BMERB1: variants seen among roughly 807,000 people sequenced by gnomAD.
BMERB1 encodes the protein bMERB domain-containing protein 1.
In BMERB1, 12 loss-of-function variants were observed where a neutral mutation model predicts 23.6. The observed-to-expected ratio is 0.51, with a 90% confidence interval of 0.33 to 0.82. The LOEUF (loss-of-function observed/expected upper bound fraction) is 0.82, where lower values mean the gene tolerates loss of function less well. BMERB1 is among the 40% of genes least tolerant of loss of function. The probability of loss-of-function intolerance (pLI) is 0.03; values close to 1 mark genes in which losing one functional copy is unlikely to be tolerated. For synonymous variants in BMERB1, 122 were observed against 96.6 expected, an observed-to-expected ratio of 1.26 and a Z score of -1.54; for missense variants, 247 against 255.4, an observed-to-expected ratio of 0.97 and a Z score of 0.22.
At chr16:15,584,186 A>C (rs2031084457) in intron 5 of BMERB1, 2 of 596,758 alleles carry the variant, frequency 3.4e-6, no homozygotes, top group East Asian at 5.7e-5. Flanking sequence ...TGCTGTCAAG[A>C]AACTGTCTTT....
At position 15,464,312 on chromosome 16, in the gene BMERB1, T is replaced by TA. The variant is rs528828210; in HGVS notation, c.106+29573dup. Among the ~76,000 whole-genome samples the TA allele has an allele frequency of 9.3e-3, 964 of 103,966 alleles. 9 individuals carry two copies. Among genetic ancestry groups the TA allele is most frequent in the African/African-American group, 0.028 (759 of 27,502 alleles). The allele number at this position is 103,966 out of a possible 152,430, so 68.2% of individuals were successfully genotyped here. On this transcript the variant is annotated intron_variant, in intron 1 of 5. Coordinates refer to ENST00000300006, the MANE Select transcript of BMERB1 (RefSeq NM_033201.3). Reference sequence around the variant, plus strand: ...TGGGCGACAGAGTGAGACTTCATCTTAAAAAAAAAAAAAAAAAAAAGGATT... The same window carrying TA: ...TGGGCGACAGAGTGAGACTTCATCTTAAAAAAAAAAAAAAAAAAAAAGGATT...
intron 1 of BMERB1, among the ~76,000 whole-genome samples, chr16:15,446,070 T>C (rs912137191): frequency 6.6e-6 from 1 of 152,048 alleles, no homozygotes; most frequent in African/African-American, 2.4e-5. Context: ...AGACAGAAAG[T>C]AAGCGAGACT....
intron 1 of BMERB1, among the ~76,000 whole-genome samples, chr16:15,476,197 C>T (rs2051273687): frequency 7.6e-6 from 1 of 130,756 alleles, no homozygotes; most frequent in Non-Finnish European, 1.6e-5. Context: ...GAGTCTCACT[C>T]TGTTGCCCAA....
At chr16:15,462,261 C>A (rs2051142643) in intron 1 of BMERB1, among the ~76,000 whole-genome samples, 1 of 148,886 alleles carries the variant, frequency 6.7e-6, no homozygotes, top group Non-Finnish European at 1.5e-5. Flanking sequence ...ACTAGATTCT[C>A]CAGCCTCAGC....
At chr16:15,566,880 C>CT (rs915863665) in intron 2 of BMERB1, among the ~76,000 whole-genome samples, 100 of 150,938 alleles carry the variant, frequency 6.6e-4, no homozygotes, top group Non-Finnish European at 1.2e-3. Flanking sequence ...TAAGCATACG[C>CT]TTTTTTTTTA....
intron 1 of BMERB1, among the ~76,000 whole-genome samples, chr16:15,480,506 C>A (rs556988664): frequency 6.6e-6 from 1 of 151,928 alleles, no homozygotes. Flanking sequence ...GTAATATAAC[C>A]TCTTGCCATT....
chr16:15,446,835 T>G (rs2050994138), intron 1 of BMERB1, among the ~76,000 whole-genome samples: 1 of 152,230 alleles, frequency 6.6e-6, no homozygotes, highest in African/African-American at 2.4e-5. Flanking sequence ...CACTTCAAAG[T>G]GCCTTCAGTG....
chr16:15,473,196 G>T (rs1369964449), intron 1 of BMERB1, among the ~76,000 whole-genome samples: 1 of 151,680 alleles, frequency 6.6e-6, no homozygotes, highest in Non-Finnish European at 1.5e-5. Flanking sequence ...ATTGATTTTT[G>T]TGGGTACATA....
At chr16:15,566,989 C>T (rs539765701) in intron 2 of BMERB1, among the ~76,000 whole-genome samples, 38 of 151,892 alleles carry the variant, frequency 2.5e-4, no homozygotes, top group Admixed American at 1.4e-3. Flanking sequence ...CCAAGACCAG[C>T]CGGGCAACAT....
chr16:15,531,914 G>C, intron 2 of BMERB1, among the ~76,000 whole-genome samples: 1 of 152,174 alleles, frequency 6.6e-6, no homozygotes, highest in East Asian at 1.9e-4. Context: ...TCTAGGACAG[G>C]ATGCCCAAAG....
intron 1 of BMERB1, among the ~76,000 whole-genome samples, chr16:15,464,312 T>TAAAAA (rs528828210): frequency 4.9e-4 from 51 of 103,996 alleles, no homozygotes; most frequent in African/African-American, 1.7e-3. Flanking sequence ...GACTTCATCT[T>TAAAAA]AAAAAAAAAA....
chr16:15,522,256 G>A (rs1049028180), intron 2 of BMERB1, among the ~76,000 whole-genome samples: 2 of 152,200 alleles, frequency 1.3e-5, no homozygotes, highest in African/African-American at 2.4e-5. Context: ...GAAGGTAGGC[G>A]TGCGAAGGAC....
chr16:15,581,132 G>A (rs755469814), intron 3 of BMERB1, 85 bp from the exon 4 acceptor site: 7 of 952,356 alleles, frequency 7.4e-6, no homozygotes, highest in Admixed American at 4.7e-5. Flanking sequence ...GACCAGGCTG[G>A]TCTGAAACTC....
intron 2 of BMERB1, among the ~76,000 whole-genome samples, chr16:15,567,687 C>T (rs1352141257): frequency 6.6e-6 from 1 of 152,088 alleles, no homozygotes; most frequent in South Asian, 2.1e-4. Flanking sequence ...CGCTTGAACC[C>T]GGAAGGTGGA....
At chr16:15,466,227 A>G (rs2051179182) in intron 1 of BMERB1, among the ~76,000 whole-genome samples, 1 of 152,216 alleles carries the variant, frequency 6.6e-6, no homozygotes, top group African/African-American at 2.4e-5. Flanking sequence ...CCATTTCCTT[A>G]TATTTTCACC....
In BMERB1 at chr16:15,584,368, C is replaced by A. The variant is rs534713464; in HGVS notation, c.502+1130C>A. ...GGTCAGGAGATCGACACCATCCTGG[C>A]TAACACGGTGAAGCCCCGTCTCTAC... On this transcript the variant is annotated intron_variant, in intron 5 of 5. Coordinates refer to ENST00000300006, the MANE Select transcript of BMERB1 (RefSeq NM_033201.3). 4.9e-3 allele frequency among the ~76,000 whole-genome samples: 752 copies of A among 152,168 alleles called. 6 individuals carry two copies. Among genetic ancestry groups the A allele is most frequent in the Non-Finnish European group, 7.7e-3 (527 of 68,004 alleles).
intron 1 of BMERB1, among the ~76,000 whole-genome samples, chr16:15,444,843 A>G (rs865816057): frequency 6.6e-6 from 1 of 152,126 alleles, no homozygotes; most frequent in Non-Finnish European, 1.5e-5. Context: ...ATCTTTTGCT[A>G]TCTGTATCTG....
At chr16:15,568,382 A>G (rs2030636065) in intron 3 of BMERB1, among the ~76,000 whole-genome samples, 2 of 152,230 alleles carry the variant, frequency 1.3e-5, no homozygotes, top group African/African-American at 4.8e-5. Flanking sequence ...TAATGCCTGT[A>G]ATCCCAGCAC....
intron 1 of BMERB1, among the ~76,000 whole-genome samples, chr16:15,496,097 TGGTG>T (rs2051470748): frequency 6.6e-6 from 1 of 151,964 alleles, no homozygotes; most frequent in African/African-American, 2.4e-5. Flanking sequence ...GTGATGGTGA[TGGTG>T]GGGATAGTAA....
Sources: allele counts gnomAD v4.1 joint callset (sites outside exome capture counted in the v4.1 genomes callset), GRCh38; gene constraint gnomAD v4.1.1; transcripts MANE v1.5; gene names NCBI Gene and HGNC (gene_info 2026-07-23, HGNC 2026-07-21).